SGCZ: variants seen among roughly 807,000 people sequenced by gnomAD.
SGCZ encodes the protein zeta-sarcoglycan.
A neutral mutation model predicts 41.3 loss-of-function variants in SGCZ; 40 were observed. That is an observed-to-expected ratio of 0.97 (90% CI 0.75 to 1.26). The LOEUF is 1.26. SGCZ is among the 50% of genes most tolerant of loss of function. The pLI is 0.00. For synonymous variants in SGCZ, 206 were observed against 137.5 expected (o/e 1.50, Z -3.49); for missense variants, 552 against 369.8 (o/e 1.49, Z -4.04).
At position 14,248,672 on chromosome 8, in the gene SGCZ, G is replaced by T. The variant is rs573080369; in HGVS notation, c.337-10993C>A. Among the ~76,000 whole-genome samples, 3 of 152,040 alleles carry T rather than the reference G, an allele frequency of 2.0e-5. 1 individual carries two copies. In the South Asian group the frequency reaches 6.2e-4, roughly 32 times the overall value. On this transcript the variant is annotated intron_variant, in intron 3 of 7. Coordinates refer to ENST00000382080, the MANE Select transcript of SGCZ (RefSeq NM_139167.4). ...GAGGATAAAGAAATGGAGAGCTTAAGAGAAAAAATTGCCTTTGAGATTATT... is the reference window on the plus strand; with the variant it reads ...GAGGATAAAGAAATGGAGAGCTTAATAGAAAAAATTGCCTTTGAGATTATT...
chr8:14,700,632 C>G (rs989368544), intron 1 of SGCZ, among the ~76,000 whole-genome samples: 1 of 151,742 alleles, frequency 6.6e-6, no homozygotes, highest in Non-Finnish European at 1.5e-5. Context: ...CAAAAATCAA[C>G]CTTTTAATTT....
intron 1 of SGCZ, among the ~76,000 whole-genome samples, chr8:14,861,525 A>G (rs1803746579): frequency 6.6e-6 from 1 of 152,176 alleles, no homozygotes; most frequent in African/African-American, 2.4e-5. Context: ...CTGGCATTGC[A>G]TGACATAAAG....
intron 2 of SGCZ, among the ~76,000 whole-genome samples, chr8:14,342,815 G>A (rs189818941): frequency 6.6e-6 from 1 of 152,336 alleles, no homozygotes; most frequent in African/African-American, 2.4e-5. Flanking sequence ...GGAACCTAGT[G>A]TTAATCACCA....
At chr8:14,516,788 C>G (rs1419220870) in intron 2 of SGCZ, among the ~76,000 whole-genome samples, 1 of 152,074 alleles carries the variant, frequency 6.6e-6, no homozygotes, top group East Asian at 1.9e-4. Context: ...CTGTGCCATC[C>G]AGAAGTACTG....
At chr8:14,689,720 G>A (rs1314761245) in intron 1 of SGCZ, among the ~76,000 whole-genome samples, 2 of 152,152 alleles carry the variant, frequency 1.3e-5, no homozygotes, top group Non-Finnish European at 2.9e-5. Context: ...TTATTTGTAG[G>A]ATGAAACTGT....
intron 2 of SGCZ, among the ~76,000 whole-genome samples, chr8:14,436,071 G>A (rs1229882782): frequency 6.6e-6 from 1 of 152,178 alleles, no homozygotes; most frequent in East Asian, 1.9e-4. Context: ...TGAGAGATGT[G>A]GCGTTGGATA....
At chr8:14,450,436 G>A (rs371404544) in intron 2 of SGCZ, among the ~76,000 whole-genome samples, 1 of 152,184 alleles carries the variant, frequency 6.6e-6, no homozygotes, top group Admixed American at 6.6e-5. Context: ...AGGGTAATGA[G>A]CAGTATTGAA....
chr8:14,886,679 G>C (rs1198718421), intron 1 of SGCZ, among the ~76,000 whole-genome samples: 2 of 152,182 alleles, frequency 1.3e-5, no homozygotes, highest in Non-Finnish European at 2.9e-5. Context: ...TATCCCAGGA[G>C]GGAAGATTTT....
intron 1 of SGCZ, among the ~76,000 whole-genome samples, chr8:14,666,166 C>G (rs1246013586): frequency 6.6e-6 from 1 of 152,140 alleles, no homozygotes; most frequent in Non-Finnish European, 1.5e-5. Flanking sequence ...TTTCAAATGT[C>G]CTAACAAATA....
chr8:14,590,547 C>A (rs1263647884), intron 1 of SGCZ, among the ~76,000 whole-genome samples: 1 of 150,628 alleles, frequency 6.6e-6, no homozygotes, highest in African/African-American at 2.4e-5. Context: ...ATTATTTCTT[C>A]TTTCTATATT....
intron 3 of SGCZ, among the ~76,000 whole-genome samples, chr8:14,273,510 G>C (rs906738994): frequency 6.6e-6 from 1 of 151,968 alleles, no homozygotes; most frequent in African/African-American, 2.4e-5. Flanking sequence ...ATCTTCTGAT[G>C]GATTTCCCAA....
At chr8:14,765,509 C>A (rs184465138) in intron 1 of SGCZ, among the ~76,000 whole-genome samples, 2 of 152,282 alleles carry the variant, frequency 1.3e-5, no homozygotes, top group East Asian at 3.9e-4. Flanking sequence ...TCTATCCGTT[C>A]ATATACAAAT....
chr8:14,248,256 A>G (rs941309408), intron 3 of SGCZ, among the ~76,000 whole-genome samples: 3 of 152,146 alleles, frequency 2.0e-5, no homozygotes, highest in Non-Finnish European at 2.9e-5. Flanking sequence ...TATGGCTTGG[A>G]AAAAAACAAG....
intron 2 of SGCZ, among the ~76,000 whole-genome samples, chr8:14,341,701 G>A (rs1802713715): frequency 6.6e-6 from 1 of 152,140 alleles, no homozygotes; most frequent in Admixed American, 6.5e-5. Context: ...AATCATGGGG[G>A]CCAGTCATTC....
intron 1 of SGCZ, among the ~76,000 whole-genome samples, chr8:14,828,173 T>C (rs1802402381): frequency 6.6e-6 from 1 of 152,158 alleles, no homozygotes. Flanking sequence ...ACGGAATCTT[T>C]ACAAAAAGTT....
intron 5 of SGCZ, among the ~76,000 whole-genome samples, chr8:14,161,593 T>C (rs1373533675): frequency 3.3e-5 from 5 of 152,216 alleles, no homozygotes; most frequent in Admixed American, 2.0e-4. Flanking sequence ...GGCAATCTCA[T>C]AGTTTGTGGG....
intron 1 of SGCZ, among the ~76,000 whole-genome samples, chr8:14,895,397 A>C (rs961864386): frequency 6.6e-6 from 1 of 152,116 alleles, no homozygotes; most frequent in Non-Finnish European, 1.5e-5. Context: ...TTACCAATGC[A>C]CATCTGTGTG....
At chr8:14,574,049 C>T (rs1804637100) in intron 1 of SGCZ, among the ~76,000 whole-genome samples, 1 of 152,128 alleles carries the variant, frequency 6.6e-6, no homozygotes, top group Non-Finnish European at 1.5e-5. Context: ...GCAATCCAAA[C>T]ACTGTTGATA....
intron 2 of SGCZ, among the ~76,000 whole-genome samples, chr8:14,371,935 G>C (rs928980453): frequency 3.3e-5 from 5 of 152,162 alleles, no homozygotes; most frequent in African/African-American, 1.2e-4. Flanking sequence ...ATAAACTAGA[G>C]ATCAATATGG....
Sources: gnomAD v4.1 joint callset for allele counts (sites outside exome capture counted in the v4.1 genomes callset) on GRCh38, gnomAD v4.1.1 for gene constraint, MANE v1.5 for transcripts, NCBI Gene and HGNC (gene_info 2026-07-23, HGNC 2026-07-21) for gene names.